The following SLC25A17 variants were observed in gnomAD, a reference collection of about 807,000 sequenced individuals.
SLC25A17 encodes the protein solute carrier family 25 member 17, also known as peroxisomal membrane protein PMP34.
A neutral mutation model predicts 38.5 loss-of-function variants in SLC25A17; 26 were observed. The ratio of observed to expected loss-of-function variants is 0.68; its 90% CI spans 0.50 to 0.94. The LOEUF (loss-of-function observed/expected upper bound fraction) is 0.94. Ranked by LOEUF, SLC25A17 falls within the 40% of genes least tolerant of loss-of-function variation. The pLI is 0.00. For missense variants in SLC25A17, 333 were observed against 372.7 expected, an observed-to-expected ratio of 0.89 and a Z score of 0.88; for synonymous variants, 139 against 136.2, an observed-to-expected ratio of 1.02 and a Z score of -0.14.
chr22:40,818,542 A>AT (rs979919538), intron 1 of SLC25A17, among the ~76,000 whole-genome samples: 8 of 151,250 alleles, frequency 5.3e-5, no homozygotes, highest in East Asian at 2.0e-4. Flanking sequence ...GACCCCAAAA[A>AT]TTTTTTTTAA....
At position 40,777,080 on chromosome 22, in the gene SLC25A17, G is replaced by A. The variant is rs141659758; in HGVS notation, c.653C>T (p.Thr218Met). ...TACCGTCTGCAGGGGATAGGTCACC[G>A]TGGTGGCAATCGCTTTGGCTACTGC... is the stretch of plus-strand genomic sequence containing the variant. The part of the protein sequence containing the change: ...IGAVAKAIAT[T>M]VTYPLQTVQS... Residue 218 changes from threonine (T) to methionine (M), a missense_variant, in exon 7 of 9, where the codon ACG becomes ATG. Physicochemically the swap from Thr to Met is moderately conservative, Grantham distance 81 (BLOSUM62 -1). Transcript: ENST00000435456. 2.2e-5 allele frequency: 35 copies of A among 1,614,062 alleles called. No homozygotes were observed. The highest frequency in any genetic ancestry group is 8.0e-5 in the African/African-American group (6 of 74,916).
chr22:40,794,248 A>G (rs1602608656), intron 3 of SLC25A17, among the ~76,000 whole-genome samples: 2 of 152,220 alleles, frequency 1.3e-5, no homozygotes, highest in Non-Finnish European at 2.9e-5. Flanking sequence ...TATATAAAAC[A>G]ATGCATTTTA....
At chr22:40,791,475 A>C (rs1415468373) in intron 4 of SLC25A17, among the ~76,000 whole-genome samples, 1 of 152,216 alleles carries the variant, frequency 6.6e-6, no homozygotes, top group Non-Finnish European at 1.5e-5. Flanking sequence ...GAACTGTGCC[A>C]GGAACCAGGG....
At chr22:40,786,325 A>C (rs2057337767) in intron 4 of SLC25A17, among the ~76,000 whole-genome samples, 1 of 151,236 alleles carries the variant, frequency 6.6e-6, no homozygotes, top group Admixed American at 6.6e-5. Flanking sequence ...AAAAAAAAAA[A>C]GTAGGAGGCT....
chr22:40,805,015 A>G (rs368521614), intron 1 of SLC25A17, among the ~76,000 whole-genome samples: 13 of 152,336 alleles, frequency 8.5e-5, no homozygotes, highest in African/African-American at 3.1e-4. Flanking sequence ...AAAGAAAAAG[A>G]AAATGGTTAA....
In SLC25A17 at chr22:40,777,284, T is replaced by C; in HGVS notation, c.541A>G (p.Ile181Val). The C allele has an allele frequency of 6.2e-7, 1 of 1,614,234 alleles. No individual in the cohort carries two copies. The highest frequency in any genetic ancestry group is 8.5e-7 in the Non-Finnish European group (1 of 1,180,026). Residue 181 changes from isoleucine to valine, a missense_variant, in exon 6 of 9, where the codon ATC (isoleucine) becomes GTC (valine). By Grantham distance (29) the Ile-to-Val change is conservative (BLOSUM62 3). Coordinates refer to ENST00000435456, the MANE Select transcript of SLC25A17 (RefSeq NM_006358.4). ...PSLLLVFNPAIQFMFYEGLKR... is the reference protein window; with the variant it reads ...PSLLLVFNPAVQFMFYEGLKR... Reference sequence around the variant, plus strand: ...AAACCTTCATAAAACATGAACTGGATGGCAGGATTGAAGACCAACAGCAAT... The same window carrying C: ...AAACCTTCATAAAACATGAACTGGACGGCAGGATTGAAGACCAACAGCAAT...
At chr22:40,771,012 G>T (rs370870354) in intron 8 of SLC25A17, 31 bp from the exon 9 acceptor site, 3 of 1,510,520 alleles carry the variant, frequency 2.0e-6, no homozygotes, top group African/African-American at 1.4e-5. Context: ...AAAAACAGAA[G>T]TCAGCTCCTG....
intron 2 of SLC25A17, among the ~76,000 whole-genome samples, chr22:40,795,559 G>A (rs1046271959): frequency 1.3e-5 from 2 of 152,044 alleles, no homozygotes; most frequent in Admixed American, 1.3e-4. Flanking sequence ...CAAAGTGCTG[G>A]GATTACAGGC....
At chr22:40,781,732 G>C (rs1344320379) in intron 4 of SLC25A17, among the ~76,000 whole-genome samples, 2 of 151,996 alleles carry the variant, frequency 1.3e-5, no homozygotes, top group Admixed American at 1.3e-4. Context: ...ATAATTTTAT[G>C]AGTTCTGAGA....
rs12160088 is a variant in SLC25A17 at position 40,804,969 on chromosome 22, G to C, written c.55-5886C>G. Among the ~76,000 whole-genome samples the C allele has an allele frequency of 3.6e-3, 545 of 151,298 alleles. 5 individuals carry two copies. The highest frequency in any genetic ancestry group is 0.013 in the African/African-American group (524 of 41,070). ...ATAAAAATAAATATAAAAAAGGTGAGGAAAGAAAGAGAAGGAAGGAAAGAA... is the reference window on the plus strand; with the variant it reads ...ATAAAAATAAATATAAAAAAGGTGACGAAAGAAAGAGAAGGAAGGAAAGAA... On this transcript the variant is annotated intron_variant, in intron 1 of 8. Coordinates refer to ENST00000435456, the MANE Select transcript of SLC25A17 (RefSeq NM_006358.4).
intron 4 of SLC25A17, among the ~76,000 whole-genome samples, chr22:40,791,625 C>A (rs1234068360): frequency 6.6e-6 from 1 of 152,096 alleles, no homozygotes; most frequent in Non-Finnish European, 1.5e-5. Flanking sequence ...AAATGGCCAA[C>A]AAACATATGA....
chr22:40,788,547 C>T (rs940732754), intron 4 of SLC25A17, among the ~76,000 whole-genome samples: 3 of 152,012 alleles, frequency 2.0e-5, no homozygotes, highest in African/African-American at 4.8e-5. Flanking sequence ...AAAAATTAGC[C>T]AGGCGTGGTG....
intron 4 of SLC25A17, chr22:40,780,069 G>GA (rs1333897987): frequency 1.3e-5 from 2 of 152,182 alleles, no homozygotes; most frequent in African/African-American, 2.4e-5. Context: ...AGAACCAAGA[G>GA]AAAAAATCCT....
At chr22:40,794,637 TG>T in intron 2 of SLC25A17, 57 bp from the exon 3 acceptor site, 3 of 1,054,666 alleles carry the variant, frequency 2.8e-6, no homozygotes, top group Non-Finnish European at 4.1e-6. Flanking sequence ...ATTTTTTTTT[TG>T]AGACAGAGTC....
rs1355281519 is a variant in SLC25A17, at chr22:40,789,566, G to C, written c.334+2959C>G. ...TTGTTGCCCAGGCTGGAGTGCAGTG[G>C]CATGATCTTGGCTCACTGCAACCTC... On this transcript the variant is annotated intron_variant, in intron 4 of 8. Transcript: ENST00000435456. This position sits in a 1 kb window ranked among gnomAD's most constrained non-coding sequence, Gnocchi z 4.5. Among the ~76,000 whole-genome samples, 1 of 152,108 alleles carries C rather than the reference G, an allele frequency of 6.6e-6. No individual in the cohort carries two copies. The highest frequency in any genetic ancestry group is 1.5e-5 in the Non-Finnish European group (1 of 68,022).
chr22:40,786,403 C>T (rs371806983), intron 4 of SLC25A17, among the ~76,000 whole-genome samples: 6 of 151,882 alleles, frequency 4.0e-5, no homozygotes, highest in South Asian at 2.1e-4. Flanking sequence ...GAGGAAAGTA[C>T]GGTTACTTCG....
chr22:40,785,252 C>T (rs2057327876), intron 4 of SLC25A17, among the ~76,000 whole-genome samples: 1 of 152,202 alleles, frequency 6.6e-6, no homozygotes, highest in Admixed American at 6.5e-5. Context: ...GGCATGATGG[C>T]TTGCGCCTGT....
intron 4 of SLC25A17, 163 bp from the exon 5 acceptor site, chr22:40,779,288 C>G (rs1445701321): frequency 9.5e-6 from 14 of 1,480,308 alleles, no homozygotes; most frequent in Non-Finnish European, 1.3e-5. Context: ...ACACAAGCCA[C>G]TACTGTTAGA....
chr22:40,808,255 C>A (rs2057547372), intron 1 of SLC25A17, among the ~76,000 whole-genome samples: 1 of 152,280 alleles, frequency 6.6e-6, no homozygotes, highest in South Asian at 2.1e-4. Flanking sequence ...ATCTTCCCAC[C>A]CCCACAGCAT....
Sources: allele counts gnomAD v4.1 joint callset (sites outside exome capture counted in the v4.1 genomes callset), GRCh38; gene constraint gnomAD v4.1.1; non-coding constraint Gnocchi (gnomAD v3.1); transcripts MANE v1.5; gene names NCBI Gene and HGNC (gene_info 2026-07-23, HGNC 2026-07-21).